The following EVC2 variants were observed in gnomAD, a reference collection of about 807,000 sequenced individuals.
EVC2 encodes the protein EvC ciliary complex subunit 2, also known as limbin.
EVC2 carries 148 observed loss-of-function variants against 149.3 expected under a neutral mutation model. That is an observed-to-expected ratio of 0.99 (90% CI 0.87 to 1.14). EVC2 has a LOEUF of 1.14. Among genes scored for constraint, EVC2 ranks in the 50% most tolerant of loss-of-function variants. The pLI is 0.00. For missense variants in EVC2, 1,854 were observed against 1,627.3 expected (o/e 1.14, Z -2.40); for synonymous variants, 776 against 649.9 (o/e 1.19, Z -2.95).
Position 5,696,877 on chromosome 4 carries a change from T to C in EVC2, c.283+716A>G, listed in dbSNP as rs1721509516. On this transcript the variant is annotated intron_variant, in intron 2 of 21. Transcript: ENST00000344408. This position sits in a 1 kb window ranked among gnomAD's most constrained non-coding sequence, Gnocchi z 4.1. ...CCCCATGAAGCTGTGAATGTTATCTTAGGGTCTCAGATACTTTGCAAATGT... is the reference window on the plus strand; with the variant it reads ...CCCCATGAAGCTGTGAATGTTATCTCAGGGTCTCAGATACTTTGCAAATGT... Among the ~76,000 whole-genome samples, 1 of 152,204 alleles carries C rather than the reference T, an allele frequency of 6.6e-6. No homozygotes were observed. Among genetic ancestry groups the C allele is most frequent in the African/African-American group, 2.4e-5 (1 of 41,454 alleles).
chr4:5,647,788 A>G (rs1717831817), intron 9 of EVC2, among the ~76,000 whole-genome samples: 1 of 152,240 alleles, frequency 6.6e-6, no homozygotes, highest in Non-Finnish European at 1.5e-5. Flanking sequence ...AGGGGAATTA[A>G]GGCTACTCAT....
At position 5,622,809 on chromosome 4, in the gene EVC2, C is replaced by T. The variant is rs1348020697; in HGVS notation, c.2229G>A (p.Leu743=). Residue 743 remains leucine, a synonymous_variant, in exon 14 of 22, where the codon CTG becomes CTA. Coordinates refer to ENST00000344408, the MANE Select transcript of EVC2 (RefSeq NM_147127.5). The surrounding 1 kb of genome is among the most constrained non-coding windows in gnomAD (Gnocchi z 5.8). The part of the protein sequence containing the change: ...LDDLRTLTLS[L]FEKATDELRR... ...GCAGCTCGTCGGTGGCCTTTTCAAA[C>T]AGCGAAAGGGTCAGGGTCCTGAGAT... 1 of 1,614,078 alleles carries T rather than the reference C, an allele frequency of 6.2e-7. No homozygotes were observed. Among genetic ancestry groups the T allele is most frequent in the East Asian group, 2.2e-5 (1 of 44,850 alleles).
Position 5,612,734 on chromosome 4 carries a change from A to T in EVC2, c.2829+2688T>A, listed in dbSNP as rs1199555441. 2.0e-5 allele frequency among the ~76,000 whole-genome samples: 3 copies of T among 152,088 alleles called. No homozygotes were observed. In the East Asian group the frequency reaches 5.8e-4, roughly 30 times the overall value. ...TCAGGAGATCCAGACCATCCTGGCTAATGCGGTGAAACCCTGTCTCTACTA... is the reference window on the plus strand; with the variant it reads ...TCAGGAGATCCAGACCATCCTGGCTTATGCGGTGAAACCCTGTCTCTACTA... On this transcript the variant is annotated intron_variant, in intron 16 of 21. Coordinates refer to ENST00000344408, the MANE Select transcript of EVC2 (RefSeq NM_147127.5).
At chr4:5,651,130 G>C (rs558389728) in intron 9 of EVC2, among the ~76,000 whole-genome samples, 2 of 152,238 alleles carry the variant, frequency 1.3e-5, no homozygotes, top group African/African-American at 2.4e-5. Flanking sequence ...CGGAGGGATA[G>C]ATGAATGAAT....
At chr4:5,689,602 A>C (rs935930575) in intron 4 of EVC2, among the ~76,000 whole-genome samples, 2 of 152,200 alleles carry the variant, frequency 1.3e-5, no homozygotes, top group African/African-American at 2.4e-5. Context: ...TAATCCTTGC[A>C]GAGAATCTTA....
At chr4:5,688,212 TG>T (rs981909441) in intron 5 of EVC2, among the ~76,000 whole-genome samples, 1 of 151,994 alleles carries the variant, frequency 6.6e-6, no homozygotes, top group African/African-American at 2.4e-5. Context: ...AATAATAGCG[TG>T]TTAAGAAGGA....
downstream of EVC2, among the ~76,000 whole-genome samples, chr4:5,557,553 G>C (rs1721859647): frequency 6.6e-6 from 1 of 152,120 alleles, no homozygotes; most frequent in Non-Finnish European, 1.5e-5. Flanking sequence ...ATCCTAGCTA[G>C]TGTAATAACA....
At chr4:5,590,755 A>G (rs1184357799) in intron 16 of EVC2, among the ~76,000 whole-genome samples, 1 of 152,118 alleles carries the variant, frequency 6.6e-6, no homozygotes, top group African/African-American at 2.4e-5. Flanking sequence ...TTTTTTGTAC[A>G]TGAGACCTGT....
rs1345485379 is a variant in EVC2, at chr4:5,610,788, CCTTTT to C, written c.2829+4629_2829+4633del. Among the ~76,000 whole-genome samples the C allele has an allele frequency of 4.3e-4, 53 of 124,350 alleles. 1 individual carries two copies. Among genetic ancestry groups the C allele is most frequent in the Non-Finnish European group, 7.7e-5 (5 of 64,726 alleles). The allele number at this position is 124,350 out of a possible 152,430, so 81.6% of individuals were successfully genotyped here. A position where few individuals can be genotyped will look rare whatever the true frequency, so the allele number is the denominator to read the frequency against. On this transcript the variant is annotated intron_variant, in intron 16 of 21. Coordinates refer to ENST00000344408, the MANE Select transcript of EVC2 (RefSeq NM_147127.5). ...AGTGTCTTATGTCTTGCTCCTTTTT[CCTTTT>C]CTTTTTTTTTTTTTTTTTGCCAAAT...
chr4:5,620,107 C>A (rs1715576615), intron 14 of EVC2, among the ~76,000 whole-genome samples: 1 of 152,140 alleles, frequency 6.6e-6, no homozygotes, highest in Non-Finnish European at 1.5e-5. Flanking sequence ...TGAGGCCTGA[C>A]CCCCAGGTCA....
At chr4:5,594,889 G>A (rs1190933160) in intron 16 of EVC2, among the ~76,000 whole-genome samples, 1 of 152,190 alleles carries the variant, frequency 6.6e-6, no homozygotes, top group Middle Eastern at 3.2e-3. Flanking sequence ...TGATGGAGCT[G>A]AAAACCAAGG....
chr4:5,586,547 A>G (rs143931636), intron 16 of EVC2, among the ~76,000 whole-genome samples: 388 of 152,308 alleles, frequency 2.5e-3, no homozygotes, highest in African/African-American at 8.8e-3. Flanking sequence ...AATTTCAGAT[A>G]GAACAGACTC....
In EVC2 at chr4:5,618,534, A is replaced by G; in HGVS notation, c.2650T>C (p.Trp884Arg). The stretch of plus-strand genomic sequence containing the variant: ...AGCTTCACGAACTCTGCTTCTCGCC[A>G]CGCAGTCTGAAATTGCTGCAGCAGA... ...RVLLQQFQTA[W>R]REAEFVKLDQ... Residue 884 changes from tryptophan (W) to arginine (R), a missense_variant, in exon 15 of 22, where the codon TGG becomes CGG. Trp to Arg is a moderately radical substitution (Grantham distance 101, BLOSUM62 -3). Coordinates refer to ENST00000344408, the MANE Select transcript of EVC2 (RefSeq NM_147127.5). This position sits in a 1 kb window ranked among gnomAD's most constrained non-coding sequence, Gnocchi z 4.4. 6.2e-7 allele frequency: 1 copy of G among 1,614,072 alleles called. No homozygotes were observed. Among genetic ancestry groups the G allele is most frequent in the South Asian group, 1.1e-5 (1 of 91,066 alleles).
At chr4:5,698,334 G>A (rs1042289709) in intron 1 of EVC2, among the ~76,000 whole-genome samples, 1 of 152,122 alleles carries the variant, frequency 6.6e-6, no homozygotes, top group Non-Finnish European at 1.5e-5. Flanking sequence ...TTCCAGGGTG[G>A]TAGATAAGAC....
Position 5,625,307 on chromosome 4 carries a change from T to TACACACACAC in EVC2, c.2046+432_2046+441dup, listed in dbSNP as rs71171407. On this transcript the variant is annotated intron_variant, in intron 13 of 21. Coordinates refer to ENST00000344408, the MANE Select transcript of EVC2 (RefSeq NM_147127.5). This position sits in a 1 kb window ranked among gnomAD's most constrained non-coding sequence, Gnocchi z 4.0. ...CTTACTAGATATTTGACCTTGACCA[T>TACACACACAC]ACACACACACACACACACACACACA... 3.9e-4 allele frequency among the ~76,000 whole-genome samples: 54 copies of TACACACACAC among 139,886 alleles called. No individual in the cohort carries two copies. The highest frequency in any genetic ancestry group is 1.3e-3 in the African/African-American group (50 of 38,642). 91.8% of individuals were successfully genotyped at this position (139,886 alleles called of 152,430 possible). A position where few individuals can be genotyped will look rare whatever the true frequency, so the allele number is the denominator to read the frequency against.
intron 21 of EVC2, among the ~76,000 whole-genome samples, chr4:5,549,537 T>G (rs963463233): frequency 2.0e-5 from 3 of 152,210 alleles, no homozygotes; most frequent in African/African-American, 7.2e-5. Context: ...CATTGGACAT[T>G]TAGTCTTTCT....
chr4:5,569,512 C>T lies in EVC2; in HGVS notation c.3361-872G>A, dbSNP rs910367453. ...ATAACTTCAAAATTAAAAATTTTGG[C>T]CAGGCATGGGGGCTCACATCTGTAA... On this transcript the variant is annotated intron_variant, in intron 19 of 21. Coordinates refer to ENST00000344408, the MANE Select transcript of EVC2 (RefSeq NM_147127.5). The surrounding 1 kb of genome is among the most constrained non-coding windows in gnomAD (Gnocchi z 4.8). Among the ~76,000 whole-genome samples, 9 of 152,104 alleles carry T rather than the reference C, an allele frequency of 5.9e-5. No individual in the cohort carries two copies. The highest frequency in any genetic ancestry group is 2.2e-4 in the African/African-American group (9 of 41,410).
At chr4:5,620,077 G>C (rs536286954) in intron 14 of EVC2, among the ~76,000 whole-genome samples, 3 of 152,268 alleles carry the variant, frequency 2.0e-5, no homozygotes, top group Admixed American at 2.0e-4. Context: ...GACCACGGGG[G>C]CCCTCTGCTG....
At chr4:5,580,600 C>A (rs1258107550) in intron 17 of EVC2, among the ~76,000 whole-genome samples, 3 of 152,144 alleles carry the variant, frequency 2.0e-5, no homozygotes, top group Non-Finnish European at 4.4e-5. Context: ...TCTCACTCTG[C>A]CCCTAACTCA....
Sources: gnomAD v4.1 joint callset for allele counts (sites outside exome capture counted in the v4.1 genomes callset) on GRCh38, gnomAD v4.1.1 for gene constraint, Gnocchi (gnomAD v3.1) non-coding constraint, MANE v1.5 for transcripts, NCBI Gene and HGNC (gene_info 2026-07-23, HGNC 2026-07-21) for gene names.